Variants in KPNA7 observed in about 807,000 individuals in gnomAD.
KPNA7 encodes the protein importin subunit alpha-8.
Under a neutral mutation model 53.7 loss-of-function variants are expected in KPNA7, and 54 were observed. The ratio of observed to expected loss-of-function variants is 1.01; its 90% CI spans 0.81 to 1.26. The LOEUF is 1.26. Ranked by LOEUF, KPNA7 falls within the 50% of genes most tolerant of loss-of-function variation. The pLI is 0.00. For synonymous variants in KPNA7, 276 were observed against 259.3 expected (o/e 1.06, Z -0.62); for missense variants, 640 against 644.5 (o/e 0.99, Z 0.07).
intron 1 of KPNA7, among the ~76,000 whole-genome samples, chr7:99,218,759 A>G (rs73157584): frequency 0.053 from 8,016 of 152,302 alleles, 327 homozygotes; most frequent in African/African-American, 0.11. Flanking sequence ...AAGGGCCCCC[A>G]GAGGCACCTC....
Position 99,195,153 on chromosome 7 carries a change from G to T in KPNA7, c.470C>A (p.Ala157Asp), listed in dbSNP as rs765632541. The change falls in exon 5 of 11, where the codon GCC (alanine) becomes GAC (aspartate). Residue 157 changes from alanine (A) to aspartate (D), a missense_variant. Ala to Asp is a moderately radical substitution (Grantham distance 126, BLOSUM62 -2). Transcript: ENST00000327442. ...EQTRAVVEGG[A>D]IQPLIELLSS... ...CAGGAGCTCAATCAAGGGCTGGATG[G>T]CTCCCCCTTCTACCACGGCACGAGT... The T allele has an allele frequency of 1.9e-6, 3 of 1,551,606 alleles. No homozygotes were observed. Among genetic ancestry groups the T allele is most frequent in the South Asian group, 2.4e-5 (2 of 84,062 alleles).
At chr7:99,153,386 C>T in the KPNA7 span, among the ~76,000 whole-genome samples, 7 of 151,910 alleles carry the variant, frequency 4.6e-5, no homozygotes, top group Admixed American at 4.6e-4. Context: ...GGCGAAACCC[C>T]ATCTCTACAA....
At chr7:99,162,903 G>A in the KPNA7 span, among the ~76,000 whole-genome samples, 7 of 152,102 alleles carry the variant, frequency 4.6e-5, no homozygotes, top group African/African-American at 1.7e-4. Context: ...ATGTAAGGCT[G>A]GACACGGTAG....
the KPNA7 span, among the ~76,000 whole-genome samples, chr7:99,149,145 C>T: frequency 9.2e-5 from 14 of 152,156 alleles, no homozygotes; most frequent in South Asian, 1.7e-3. Flanking sequence ...TCAAGTGATC[C>T]GCCTGCCTCT....
At chr7:99,217,736 T>C (rs1791250089) in intron 1 of KPNA7, among the ~76,000 whole-genome samples, 1 of 147,272 alleles carries the variant, frequency 6.8e-6, no homozygotes, top group South Asian at 2.2e-4. Flanking sequence ...GTTGAAGCAA[T>C]TCTCCTCCCT....
At chr7:99,185,315 T>C (rs914804991) in intron 7 of KPNA7, among the ~76,000 whole-genome samples, 153 bp from the exon 8 acceptor site, 1 of 152,170 alleles carries the variant, frequency 6.6e-6, no homozygotes, top group Non-Finnish European at 1.5e-5. Flanking sequence ...GTGATCATTA[T>C]TCAATTCATC....
chr7:99,194,596 T>C (rs1790132229), intron 5 of KPNA7, among the ~76,000 whole-genome samples: 1 of 152,100 alleles, frequency 6.6e-6, no homozygotes, highest in Non-Finnish European at 1.5e-5. Context: ...GCCTCTAAAC[T>C]TGGATTTGAG....
chr7:99,181,298 C>G (rs974621156), intron 9 of KPNA7, among the ~76,000 whole-genome samples: 1 of 152,132 alleles, frequency 6.6e-6, no homozygotes, highest in African/African-American at 2.4e-5. Context: ...GTGACTGCCC[C>G]TTTATCCGAT....
chr7:99,189,350 C>A (rs1389956577), intron 6 of KPNA7, among the ~76,000 whole-genome samples: 1 of 152,048 alleles, frequency 6.6e-6, no homozygotes, highest in Non-Finnish European at 1.5e-5. Flanking sequence ...TGGACTTCAA[C>A]TCCTGGGCTC....
chr7:99,163,359 G>GTGTATATATATA, the KPNA7 span, among the ~76,000 whole-genome samples: 129 of 66,322 alleles, frequency 1.9e-3, 5 homozygotes, highest in Non-Finnish European at 2.8e-3. Context: ...ATGAGTGTGT[G>GTGTATATATATA]TATATATATA....
At position 99,203,683 on chromosome 7, in the gene KPNA7, A is replaced by C. The variant is rs1035794759; in HGVS notation, c.67-443T>G. Among the ~76,000 whole-genome samples, 5 of 151,894 alleles carry C rather than the reference A, an allele frequency of 3.3e-5. No individual in the cohort carries two copies. The South Asian group carries it at 1.0e-3, about 32-fold the overall frequency. On this transcript the variant is annotated intron_variant, in intron 2 of 10. Transcript: ENST00000327442. ...TGCCCATGTCCTAGATGCCCTGATCATTTCCACTATATTTATATATATATT... is the reference window on the plus strand; with the variant it reads ...TGCCCATGTCCTAGATGCCCTGATCCTTTCCACTATATTTATATATATATT...
chr7:99,203,627 G>A (rs183920001), intron 2 of KPNA7, among the ~76,000 whole-genome samples: 1 of 152,148 alleles, frequency 6.6e-6, no homozygotes, highest in Admixed American at 6.6e-5. Flanking sequence ...GTGGTGGCTA[G>A]GATAGATGGT....
chr7:99,218,330 C>G (rs1487339804), intron 1 of KPNA7, among the ~76,000 whole-genome samples: 1 of 151,860 alleles, frequency 6.6e-6, no homozygotes, highest in Non-Finnish European at 1.5e-5. Context: ...GAAACAGGGT[C>G]TTTGTTGCCC....
chr7:99,161,343 G>A, the KPNA7 span, among the ~76,000 whole-genome samples: 1 of 152,144 alleles, frequency 6.6e-6, no homozygotes, highest in Admixed American at 6.5e-5. Context: ...AGCCTGTGTA[G>A]CGTAGAACTG....
intron 10 of KPNA7, among the ~76,000 whole-genome samples, chr7:99,175,966 A>T (rs1448296864): frequency 6.6e-6 from 1 of 152,122 alleles, no homozygotes; most frequent in Non-Finnish European, 1.5e-5. Context: ...CCCCATGTTG[A>T]TCTGGTCATG....
upstream of KPNA7, among the ~76,000 whole-genome samples, chr7:99,209,147 G>A (rs1337161100): frequency 5.3e-5 from 8 of 151,308 alleles, no homozygotes; most frequent in Non-Finnish European, 1.0e-4. Context: ...GTAAGATTCC[G>A]TCTCAAAAAG....
At chr7:99,210,787 A>G (rs2150786007), upstream of KPNA7, among the ~76,000 whole-genome samples, 1 of 151,810 alleles carries the variant, frequency 6.6e-6, no homozygotes, top group African/African-American at 2.4e-5. Flanking sequence ...GGATCTCACT[A>G]TGTTGCCCAG....
chr7:99,200,695 G>A lies in KPNA7; in HGVS notation c.201+2411C>T, dbSNP rs1790479567. Among the ~76,000 whole-genome samples, 2 of 152,178 alleles carry A rather than the reference G, an allele frequency of 1.3e-5. 1 individual carries two copies. Among genetic ancestry groups the A allele is most frequent in the South Asian group, 4.2e-4 (2 of 4,818 alleles). ...GTCCCCCAATTAATAAATAAACAAGGCCAGACACGGTGGCTCACACCTGTA... is the reference window on the plus strand; with the variant it reads ...GTCCCCCAATTAATAAATAAACAAGACCAGACACGGTGGCTCACACCTGTA... On this transcript the variant is annotated intron_variant, in intron 3 of 10. Transcript: ENST00000327442.
rs771338433 is a variant in KPNA7, at chr7:99,198,031, C to T, written c.202-1865G>A. On this transcript the variant is annotated intron_variant, in intron 3 of 10. Coordinates refer to ENST00000327442, the MANE Select transcript of KPNA7 (RefSeq NM_001145715.3). ...AAGATCCAGACATATTATAATCTAACTGTTGAAAGCCAAAACTACAGAATC... is the reference window on the plus strand; with the variant it reads ...AAGATCCAGACATATTATAATCTAATTGTTGAAAGCCAAAACTACAGAATC... 6.8e-4 allele frequency among the ~76,000 whole-genome samples: 103 copies of T among 152,132 alleles called. 1 individual carries two copies. Among genetic ancestry groups the T allele is most frequent in the Non-Finnish European group, 8.8e-5 (6 of 68,018 alleles).
Sources: allele counts gnomAD v4.1 joint callset (sites outside exome capture counted in the v4.1 genomes callset), GRCh38; gene constraint gnomAD v4.1.1; transcripts MANE v1.5; gene names NCBI Gene and HGNC (gene_info 2026-07-23, HGNC 2026-07-21).